The following UNC5C variants were observed in gnomAD, a reference collection of about 807,000 sequenced individuals.
UNC5C encodes the protein unc-5 netrin receptor C, also known as netrin receptor UNC5C.
A neutral mutation model predicts 99.8 loss-of-function variants in UNC5C; 47 were observed. The observed-to-expected ratio is 0.47, with a 90% CI of 0.37 to 0.60. UNC5C has a LOEUF of 0.60. UNC5C is among the 20% of genes least tolerant of loss of function. The pLI is 0.00. For synonymous variants in UNC5C, 487 were observed against 452.2 expected (o/e 1.08, Z -0.98); for missense variants, 1,062 against 1,165.9 (o/e 0.91, Z 1.30).
At chr4:95,465,443 A>G (rs1475899701) in intron 1 of UNC5C, among the ~76,000 whole-genome samples, 1 of 152,190 alleles carries the variant, frequency 6.6e-6, no homozygotes, top group Admixed American at 6.5e-5. Flanking sequence ...GAACTTGACA[A>G]GTATTTGAAT....
At chr4:95,521,956 G>A (rs1259253505) in intron 1 of UNC5C, among the ~76,000 whole-genome samples, 1 of 152,000 alleles carries the variant, frequency 6.6e-6, no homozygotes, top group Non-Finnish European at 1.5e-5. Flanking sequence ...TCAACTTAAT[G>A]AATATCAAAC....
chr4:95,467,109 G>C (rs1034787783), intron 1 of UNC5C, among the ~76,000 whole-genome samples: 1 of 152,090 alleles, frequency 6.6e-6, no homozygotes, highest in African/African-American at 2.4e-5. Context: ...TCCAGCCCTG[G>C]TCAAGCTTTC....
At chr4:95,478,098 C>T (rs1026980134) in intron 1 of UNC5C, among the ~76,000 whole-genome samples, 1 of 151,908 alleles carries the variant, frequency 6.6e-6, no homozygotes, top group Non-Finnish European at 1.5e-5. Context: ...CTCCCAAAAC[C>T]CAATACCAAA....
chr4:95,244,454 T>C (rs1304901985), intron 6 of UNC5C, among the ~76,000 whole-genome samples: 1 of 152,162 alleles, frequency 6.6e-6, no homozygotes, highest in African/African-American at 2.4e-5. Flanking sequence ...AAGAACTGAC[T>C]GCATTGTAGT....
chr4:95,197,789 A>ACTC (rs2149358497), intron 12 of UNC5C, among the ~76,000 whole-genome samples: 1 of 152,224 alleles, frequency 6.6e-6, no homozygotes, highest in South Asian at 2.1e-4. Flanking sequence ...TTTCATAGCA[A>ACTC]CTCATCAACC....
At chr4:95,256,528 A>G (rs987202163) in intron 4 of UNC5C, among the ~76,000 whole-genome samples, 1 of 151,860 alleles carries the variant, frequency 6.6e-6, no homozygotes, top group Admixed American at 6.6e-5. Flanking sequence ...GGTCCAAGTC[A>G]CTATCGTTTC....
intron 2 of UNC5C, among the ~76,000 whole-genome samples, chr4:95,308,035 T>G (rs1049983956): frequency 6.6e-6 from 1 of 152,088 alleles, no homozygotes; most frequent in Admixed American, 6.5e-5. Flanking sequence ...AAGTTGAAAG[T>G]TTTTCCTCTA....
intron 4 of UNC5C, among the ~76,000 whole-genome samples, chr4:95,261,419 A>G (rs1740222108): frequency 6.6e-6 from 1 of 152,202 alleles, no homozygotes; most frequent in Admixed American, 6.5e-5. Context: ...ATTTTTGACA[A>G]TGACTTGAAA....
At chr4:95,473,545 C>T (rs1298712553) in intron 1 of UNC5C, among the ~76,000 whole-genome samples, 2 of 151,336 alleles carry the variant, frequency 1.3e-5, no homozygotes, top group African/African-American at 4.9e-5. Flanking sequence ...TTGATCTGTC[C>T]TTTACAATGG....
chr4:95,397,677 G>A (rs745969662), intron 1 of UNC5C, among the ~76,000 whole-genome samples: 5 of 152,224 alleles, frequency 3.3e-5, no homozygotes, highest in South Asian at 4.1e-4. Context: ...GGACATGAAC[G>A]TACATGATGT....
chr4:95,332,923 C>G lies in UNC5C; in HGVS notation c.346+2487G>C, dbSNP rs1408119662. On this transcript the variant is annotated intron_variant, in intron 2 of 15. Coordinates refer to ENST00000453304, the MANE Select transcript of UNC5C (RefSeq NM_003728.4). ...AAAGTGGGCAAAGGACATGAACAGACACCTCTCAAAAGAAGACATTTATGT... is the reference window on the plus strand; with the variant it reads ...AAAGTGGGCAAAGGACATGAACAGAGACCTCTCAAAAGAAGACATTTATGT... Among the ~76,000 whole-genome samples, 3 of 152,122 alleles carry G rather than the reference C, an allele frequency of 2.0e-5. No homozygotes were observed. In the East Asian group the frequency reaches 5.8e-4, roughly 29 times the overall value.
chr4:95,229,144 T>G (rs1738803966), intron 7 of UNC5C, among the ~76,000 whole-genome samples: 1 of 152,194 alleles, frequency 6.6e-6, no homozygotes, highest in Admixed American at 6.5e-5. Flanking sequence ...TTTTTTTAAT[T>G]ATACTTCAAG....
chr4:95,439,034 C>G (rs1746872217), intron 1 of UNC5C, among the ~76,000 whole-genome samples: 1 of 152,126 alleles, frequency 6.6e-6, no homozygotes, highest in South Asian at 2.1e-4. Flanking sequence ...TGTTTTCAAT[C>G]TTTAAATCTC....
rs1386622901 is a variant in UNC5C at position 95,292,242 on chromosome 4, T to C, written c.490+9364A>G. Among the ~76,000 whole-genome samples the C allele has an allele frequency of 7.3e-3, 313 of 42,714 alleles. 1 individual carries two copies. Among genetic ancestry groups the C allele is most frequent in the African/African-American group, 0.028 (169 of 6,042 alleles). 28.0% of individuals were successfully genotyped at this position (42,714 alleles called of 152,430 possible). A position where few individuals can be genotyped will look rare whatever the true frequency, so the allele number is the denominator to read the frequency against. ...ACACACACACACACACACACATATA[T>C]ATATATATATATATATATATATATA... is the stretch of plus-strand genomic sequence containing the variant. On this transcript the variant is annotated intron_variant, in intron 3 of 15. Transcript: ENST00000453304.
At chr4:95,466,741 A>C (rs1230898490) in intron 1 of UNC5C, among the ~76,000 whole-genome samples, 1 of 152,206 alleles carries the variant, frequency 6.6e-6, no homozygotes, top group Non-Finnish European at 1.5e-5. Context: ...AAAGCCATTC[A>C]TAAATCACAT....
intron 1 of UNC5C, among the ~76,000 whole-genome samples, chr4:95,516,285 C>A (rs571454483): frequency 1.3e-5 from 2 of 152,088 alleles, no homozygotes; most frequent in Admixed American, 6.5e-5. Flanking sequence ...TCCTCACAGA[C>A]AATTCTTCAA....
chr4:95,488,161 A>G (rs952040636), intron 1 of UNC5C, among the ~76,000 whole-genome samples: 1 of 151,764 alleles, frequency 6.6e-6, no homozygotes, highest in Non-Finnish European at 1.5e-5. Flanking sequence ...TATTCTGAAA[A>G]TAACCATTGA....
intron 1 of UNC5C, among the ~76,000 whole-genome samples, chr4:95,546,440 T>C (rs542036121): frequency 6.6e-6 from 1 of 152,214 alleles, no homozygotes; most frequent in Non-Finnish European, 1.5e-5. Flanking sequence ...ATCCTTCCTT[T>C]GATAACTAAC....
Position 95,515,558 on chromosome 4 carries a change from A to G in UNC5C, c.124+33176T>C, listed in dbSNP as rs114380346. Among the ~76,000 whole-genome samples, 544 of 152,328 alleles carry G rather than the reference A, an allele frequency of 3.6e-3. 3 individuals carry two copies. Among genetic ancestry groups the G allele is most frequent in the African/African-American group, 0.011 (459 of 41,584 alleles). ...GTTAGCTGAGGAAAATGGATAATTG[A>G]AAGCATGTAAAATTTTCCCTTATGT... On this transcript the variant is annotated intron_variant, in intron 1 of 15. Coordinates refer to ENST00000453304, the MANE Select transcript of UNC5C (RefSeq NM_003728.4).
Sources: gnomAD v4.1 joint callset for allele counts (sites outside exome capture counted in the v4.1 genomes callset) on GRCh38, gnomAD v4.1.1 for gene constraint, MANE v1.5 for transcripts, NCBI Gene and HGNC (gene_info 2026-07-23, HGNC 2026-07-21) for gene names.